COL6A6: variants seen among roughly 807,000 people sequenced by gnomAD.
COL6A6 encodes the protein collagen type VI alpha 6 chain, also known as collagen alpha-6(VI) chain.
In COL6A6, 183 loss-of-function variants were observed where a neutral mutation model predicts 208.6. That is an observed-to-expected ratio of 0.88 (90% CI 0.78 to 0.99). COL6A6 has a LOEUF of 0.99. COL6A6 is among the 50% of genes least tolerant of loss of function. The probability of loss-of-function intolerance (pLI) is 0.00; values close to 1 mark genes in which losing one functional copy is unlikely to be tolerated. For synonymous variants in COL6A6, 973 were observed against 1,011.8 expected, an observed-to-expected ratio of 0.96 and a Z score of 0.73; for missense variants, 2,816 against 2,815.2, an observed-to-expected ratio of 1.00 and a Z score of -0.01.
chr3:130,562,251 G>A (rs2062908041), intron 2 of COL6A6, among the ~76,000 whole-genome samples: 1 of 152,090 alleles, frequency 6.6e-6, no homozygotes, highest in Non-Finnish European at 1.5e-5. Flanking sequence ...AAGTAGTGTT[G>A]AATCTAACAA....
At chr3:130,653,867 A>T (rs759917717) in intron 33 of COL6A6, among the ~76,000 whole-genome samples, 2 of 151,866 alleles carry the variant, frequency 1.3e-5, no homozygotes, top group Non-Finnish European at 2.9e-5. Context: ...CCCCCTGTGG[A>T]CTCTCCCCAT....
chr3:130,608,979 C>T lies in COL6A6; in HGVS notation c.4752+15C>T. ...AGGGCCCTCAGGTACATATCAAGAC[C>T]AATCAGGGTGTGAGAACATAAAGAA... is the stretch of plus-strand genomic sequence containing the variant. On this transcript the variant is annotated intron_variant, in intron 22 of 36. Transcript: ENST00000358511. 2 of 1,598,174 alleles carry T rather than the reference C, an allele frequency of 1.3e-6. No individual in the cohort carries two copies. The highest frequency in any genetic ancestry group is 1.7e-6 in the Non-Finnish European group (2 of 1,166,600).
intron 1 of COL6A6, among the ~76,000 whole-genome samples, chr3:130,547,472 G>T (rs2062540673): frequency 6.6e-6 from 1 of 152,240 alleles, no homozygotes; most frequent in African/African-American, 2.4e-5. Context: ...AGCAGAGGGA[G>T]CCGGCTCCGG....
rs565856046 is a variant in COL6A6 at position 130,672,591 on chromosome 3, C to T, written c.6597-2611C>T. ...CTAATTTTTGTATTTTTAGCAGAGACAGGGGTTTTACCATGTTGGCCAGGC... is the reference window on the plus strand; with the variant it reads ...CTAATTTTTGTATTTTTAGCAGAGATAGGGGTTTTACCATGTTGGCCAGGC... On this transcript the variant is annotated intron_variant, in intron 36 of 36. Transcript: ENST00000358511. Among the ~76,000 whole-genome samples, 3 of 151,858 alleles carry T rather than the reference C, an allele frequency of 2.0e-5. No homozygotes were observed. The East Asian group carries it at 5.9e-4, about 30-fold the overall frequency.
At chr3:130,542,355 T>G (rs1026009622) in intron 1 of COL6A6, among the ~76,000 whole-genome samples, 1 of 152,178 alleles carries the variant, frequency 6.6e-6, no homozygotes. Flanking sequence ...TTTTTTGTTA[T>G]TTCTAGTTTA....
chr3:130,531,824 A>T (rs998845123), intron 1 of COL6A6, among the ~76,000 whole-genome samples: 2 of 152,236 alleles, frequency 1.3e-5, no homozygotes, highest in Admixed American at 1.3e-4. Flanking sequence ...GTTAACATCT[A>T]TAAAATGAGA....
rs139733599 is a variant in COL6A6 at position 130,527,595 on chromosome 3, C to G, written c.-32+10198C>G. ...CTGCCTGAAATGTAACTTTCCCAAG[C>G]AATGATCACATCCTTGGCACTCTGC... On this transcript the variant is annotated intron_variant, in intron 1 of 36. Coordinates refer to ENST00000358511, the MANE Select transcript of COL6A6 (RefSeq NM_001102608.3). 7.0e-3 allele frequency among the ~76,000 whole-genome samples: 1,061 copies of G among 152,334 alleles called. 12 individuals are homozygous for G. The highest frequency in any genetic ancestry group is 0.04 in the East Asian group (208 of 5,186).
chr3:130,636,137 C>T (rs1022661188), intron 28 of COL6A6, among the ~76,000 whole-genome samples: 8 of 152,242 alleles, frequency 5.3e-5, no homozygotes, highest in African/African-American at 1.7e-4. Context: ...ATCTTGTCTT[C>T]ACTATTCAGG....
intron 24 of COL6A6, among the ~76,000 whole-genome samples, chr3:130,624,031 A>G (rs954316836): frequency 5.3e-5 from 8 of 152,122 alleles, no homozygotes; most frequent in African/African-American, 1.7e-4. Flanking sequence ...AGAGGAGAGA[A>G]AGGGAGACAG....
chr3:130,649,619 A>C, intron 33 of COL6A6, 57 bp downstream of exon 33: 4 of 1,475,640 alleles, frequency 2.7e-6, no homozygotes, highest in Non-Finnish European at 3.6e-6. Context: ...TGTATTCAGA[A>C]GCCCCTATAC....
chr3:130,666,072 T>A (rs559516845), intron 36 of COL6A6, among the ~76,000 whole-genome samples: 2 of 152,158 alleles, frequency 1.3e-5, no homozygotes, highest in Non-Finnish European at 2.9e-5. Context: ...GAATCTAGAA[T>A]GTTTTTCAGA....
In COL6A6 at chr3:130,675,417, A is replaced by G. The variant is rs1410288637; in HGVS notation, c.*20A>G. 6.6e-7 allele frequency: 1 copy of G among 1,520,440 alleles called. No homozygotes were observed. The highest frequency in any genetic ancestry group is 8.9e-7 in the Non-Finnish European group (1 of 1,129,350). The allele number at this position is 1,520,440 out of a possible 1,614,324, so 94.2% of individuals were successfully genotyped here. A position where few individuals can be genotyped will look rare whatever the true frequency, so the allele number is the denominator to read the frequency against. ...GATTAAAAAAATGCTTGAACAACTT[A>G]GCCTTAGGAAGCATGGTAAGACTCT... On this transcript the variant is annotated 3_prime_UTR_variant, in exon 37 of 37. Coordinates refer to ENST00000358511, the MANE Select transcript of COL6A6 (RefSeq NM_001102608.3).
At chr3:130,616,345 T>A (rs1352154310) in intron 23 of COL6A6, among the ~76,000 whole-genome samples, 3 of 152,120 alleles carry the variant, frequency 2.0e-5, no homozygotes, top group Non-Finnish European at 4.4e-5. Flanking sequence ...CTGTTGACAA[T>A]GTTCTGAAGG....
At chr3:130,656,287 A>G (rs1398803460) in intron 33 of COL6A6, among the ~76,000 whole-genome samples, 1 of 152,234 alleles carries the variant, frequency 6.6e-6, no homozygotes, top group African/African-American at 2.4e-5. Context: ...AGAATGAGGT[A>G]CACAGACAAG....
In COL6A6 at chr3:130,581,683, C is replaced by G. The variant is rs1484052979; in HGVS notation, c.3670C>G (p.Leu1224Val). 1.2e-6 allele frequency: 2 copies of G among 1,613,834 alleles called. No homozygotes were observed. Among genetic ancestry groups the G allele is most frequent in the Non-Finnish European group, 8.5e-7 (1 of 1,179,864 alleles). Residue 1224 changes from leucine to valine, a missense_variant, in exon 9 of 37, where the codon CTC becomes GTC. Coordinates refer to ENST00000358511, the MANE Select transcript of COL6A6 (RefSeq NM_001102608.3). ...AGACATCTTACGTGCCATCAGCTCC[C>G]TCAATGGAGTAAGCTGTGAGGTGGG... ...LQDILRAISS[L>V]NGVSCEVGTE...
Position 130,661,776 on chromosome 3 carries a change from A to G in COL6A6, c.5970A>G (p.Ala1990=), listed in dbSNP as rs1451562402. 6.2e-7 allele frequency: 1 copy of G among 1,613,880 alleles called. No homozygotes were observed. Among genetic ancestry groups the G allele is most frequent in the East Asian group, 2.2e-5 (1 of 44,874 alleles). ...AAGACATAAGAGCCTTCCTTGGAGC[A>G]CTATTAGATCACTTTGAAATCACCC... ...EFEDIRAFLG[A]LLDHFEITPE... The change falls in exon 35 of 37, where the codon GCA becomes GCG. Residue 1990 remains alanine, a synonymous_variant. Transcript: ENST00000358511.
In COL6A6 at chr3:130,596,590, A is replaced by G. The variant is rs374025496; in HGVS notation, c.4534-1775A>G. On this transcript the variant is annotated intron_variant, in intron 18 of 36. Transcript: ENST00000358511. ...TTATTCTTAGGAAAGCATGTAAATG[A>G]TGCTAATTTTTGAAACCCTAAGTTT... 5.5e-4 allele frequency among the ~76,000 whole-genome samples: 84 copies of G among 152,316 alleles called. 1 individual carries two copies. The South Asian group carries it at 0.017, about 32-fold the overall frequency.
chr3:130,574,205 A>T lies in COL6A6; in HGVS notation c.3227A>T (p.Asn1076Ile). The change falls in exon 8 of 37, where the codon AAC becomes ATC. Residue 1076 changes from asparagine to isoleucine, a missense_variant. Physicochemically the swap from Asn to Ile is moderately radical, Grantham distance 149 (BLOSUM62 -3). Transcript: ENST00000358511. ...QIENIKQIFGNTHIGAALREV... is the reference protein window; with the variant it reads ...QIENIKQIFGITHIGAALREV... ...GAAAACATCAAGCAGATCTTTGGAA[A>T]CACACACATCGGTGCTGCACTCAGG... 6.2e-7 allele frequency: 1 copy of T among 1,614,028 alleles called. No homozygotes were observed. Among genetic ancestry groups the T allele is most frequent in the South Asian group, 1.1e-5 (1 of 91,090 alleles).
Position 130,567,060 on chromosome 3 carries a change from C to A in COL6A6, c.1641C>A (p.Gly547=), listed in dbSNP as rs368961411. 3.1e-6 allele frequency: 5 copies of A among 1,613,864 alleles called. No homozygotes were observed. Among genetic ancestry groups the A allele is most frequent in the Non-Finnish European group, 4.2e-6 (5 of 1,179,880 alleles). The change falls in exon 5 of 37, where the codon GGC becomes GGA. Residue 547 remains glycine, a synonymous_variant. Coordinates refer to ENST00000358511, the MANE Select transcript of COL6A6 (RefSeq NM_001102608.3). ...VPCHLVVLTN[G]MSKDSILEPA... ...GCCACCTTGTTGTCCTGACAAATGG[C>A]ATGTCCAAGGATAGCATCTTGGAGC...
Sources: allele counts gnomAD v4.1 joint callset (sites outside exome capture counted in the v4.1 genomes callset), GRCh38; gene constraint gnomAD v4.1.1; transcripts MANE v1.5; gene names NCBI Gene and HGNC (gene_info 2026-07-23, HGNC 2026-07-21).